The following CTNNA2 variants were observed in gnomAD, a reference collection of about 807,000 sequenced individuals.
CTNNA2 encodes the protein catenin alpha-2.
In CTNNA2, 42 loss-of-function variants were observed where a neutral mutation model predicts 101.0. The ratio of observed to expected loss-of-function variants is 0.42; its 90% CI spans 0.32 to 0.54. The LOEUF is 0.54. Among genes scored for constraint, CTNNA2 ranks in the 20% least tolerant of loss-of-function variants. The pLI, the probability that CTNNA2 is intolerant of heterozygous loss-of-function variation, is 0.14. For missense variants in CTNNA2, 871 were observed against 1,223.1 expected, an observed-to-expected ratio of 0.71 and a Z score of 4.29; for synonymous variants, 450 against 456.4, an observed-to-expected ratio of 0.99 and a Z score of 0.18.
intron 7 of CTNNA2, among the ~76,000 whole-genome samples, chr2:79,931,019 T>C (rs1687403716): frequency 6.8e-6 from 1 of 146,694 alleles, no homozygotes; most frequent in South Asian, 2.1e-4. Context: ...TAATATATGA[T>C]TTTTTTTATA....
chr2:80,168,419 G>A (rs1900259), intron 7 of CTNNA2, among the ~76,000 whole-genome samples: 39,010 of 152,000 alleles, frequency 0.26, 7,718 homozygotes, highest in African/African-American at 0.55. Flanking sequence ...TAGAAATCAC[G>A]TATCATTACT....
chr2:79,933,629 A>T (rs1687597346), intron 7 of CTNNA2, among the ~76,000 whole-genome samples: 1 of 151,808 alleles, frequency 6.6e-6, no homozygotes, highest in African/African-American at 2.4e-5. Flanking sequence ...TAATTTTTGT[A>T]TTTTTAGTAG....
At chr2:80,031,829 A>G (rs1450058816) in intron 7 of CTNNA2, among the ~76,000 whole-genome samples, 1 of 152,256 alleles carries the variant, frequency 6.6e-6, no homozygotes, top group Non-Finnish European at 1.5e-5. Context: ...TTTTGGTTAC[A>G]TCTGTCTACA....
At chr2:80,594,610 TTTC>T (rs1260732970) in intron 15 of CTNNA2, among the ~76,000 whole-genome samples, 4 of 152,040 alleles carry the variant, frequency 2.6e-5, no homozygotes, top group Non-Finnish European at 4.4e-5. Context: ...TCTCCTGTGT[TTTC>T]TTCTTTGAGT....
Position 79,635,175 on chromosome 2 carries a change from T to C in CTNNA2, c.-5-16377T>C, listed in dbSNP as rs377402185. 2.2e-4 allele frequency among the ~76,000 whole-genome samples: 34 copies of C among 152,154 alleles called. 1 individual carries two copies. In the East Asian group the frequency reaches 6.6e-3, roughly 30 times the overall value. On this transcript the variant is annotated intron_variant, in intron 1 of 18. Transcript: ENST00000402739. ...GGTTGTCAATCAGGTGCTGATAGAA[T>C]TTATTAGACTTGAACTTTTTATTGT... is the stretch of plus-strand genomic sequence containing the variant.
At chr2:80,506,238 G>C (rs141912348) in intron 9 of CTNNA2, among the ~76,000 whole-genome samples, 26 of 152,280 alleles carry the variant, frequency 1.7e-4, no homozygotes, top group African/African-American at 6.0e-4. Context: ...TAGAGGAGTC[G>C]AGGAGGCTTC....
At chr2:80,286,199 C>G (rs568724520) in intron 7 of CTNNA2, among the ~76,000 whole-genome samples, 1 of 152,182 alleles carries the variant, frequency 6.6e-6, no homozygotes, top group East Asian at 1.9e-4. Flanking sequence ...GTGGATAGAC[C>G]CACTGGTGGC....
intron 10 of CTNNA2, among the ~76,000 whole-genome samples, chr2:80,545,302 TCTGGGAGGCTGAA>T (rs1238786368): frequency 6.6e-6 from 1 of 152,126 alleles, no homozygotes; most frequent in African/African-American, 2.4e-5. Context: ...ATCCCAGTGC[TCTGGGAGGCTGAA>T]GTGGGAGGAT....
At chr2:79,952,750 A>G (rs991201532) in intron 7 of CTNNA2, among the ~76,000 whole-genome samples, 3 of 152,178 alleles carry the variant, frequency 2.0e-5, no homozygotes, top group Non-Finnish European at 4.4e-5. Context: ...GTTTTTGTAA[A>G]TAAAGTTTCA....
At chr2:79,262,531 A>G (rs780259622) in intron 2 of CTNNA2, among the ~76,000 whole-genome samples, 35 of 152,164 alleles carry the variant, frequency 2.3e-4, no homozygotes, top group Non-Finnish European at 4.4e-4. Flanking sequence ...AGAAAAAAAA[A>G]ACTAGGCTTG....
rs1280430165 is a variant in CTNNA2 at position 80,313,728 on chromosome 2, G to T, written c.1057-79483G>T. On this transcript the variant is annotated intron_variant, in intron 7 of 18. Transcript: ENST00000402739. ...TGGAAAGACTTTCAACTAGAAATAT[G>T]ATTTCCAAAATGTGAGTACAAGGAA... 3 of 1,128,538 alleles carry T rather than the reference G, an allele frequency of 2.7e-6. No individual in the cohort carries two copies. In the Admixed American group the frequency reaches 6.3e-5, roughly 24 times the overall value. 69.9% of individuals were successfully genotyped at this position (1,128,538 alleles called of 1,614,324 possible).
rs1448047243 is a variant in CTNNA2, at chr2:80,233,221, T to C, written c.1057-159990T>C. On this transcript the variant is annotated intron_variant, in intron 7 of 18. Transcript: ENST00000402739. ...ATTGAGGACTCTGGCCTTGGTAGTG[T>C]TGCAAAAATTGTGAATTATTGTGAA... 3.9e-5 allele frequency among the ~76,000 whole-genome samples: 6 copies of C among 152,254 alleles called. 1 individual carries two copies. In the East Asian group the frequency reaches 9.7e-4, roughly 25 times the overall value.
At chr2:80,547,540 C>T (rs1487108280) in intron 11 of CTNNA2, among the ~76,000 whole-genome samples, 1 of 152,140 alleles carries the variant, frequency 6.6e-6, no homozygotes, top group Non-Finnish European at 1.5e-5. Context: ...CTGGCATTCT[C>T]ATTCCAATCT....
intron 1 of CTNNA2, among the ~76,000 whole-genome samples, chr2:79,558,671 A>G (rs2104110772): frequency 6.6e-6 from 1 of 152,030 alleles, no homozygotes; most frequent in Non-Finnish European, 1.5e-5. Flanking sequence ...ATTTGGACAC[A>G]GTGAAATGAG....
intron 9 of CTNNA2, among the ~76,000 whole-genome samples, chr2:80,509,222 A>G (rs1282089159): frequency 1.3e-5 from 2 of 152,156 alleles, no homozygotes; most frequent in Non-Finnish European, 2.9e-5. Context: ...TCTTCATTCT[A>G]CAGATGCAGA....
intron 2 of CTNNA2, among the ~76,000 whole-genome samples, chr2:79,288,102 C>A (rs1035283635): frequency 3.3e-5 from 5 of 152,190 alleles, no homozygotes; most frequent in African/African-American, 1.2e-4. Context: ...CGCCCTGCTT[C>A]ACCTCGCGCA....
At chr2:79,436,185 C>T (rs188523327) in intron 4 of CTNNA2, among the ~76,000 whole-genome samples, 9 of 152,112 alleles carry the variant, frequency 5.9e-5, no homozygotes, top group African/African-American at 1.9e-4. Flanking sequence ...TTTCTACCTG[C>T]GATGAACTGA....
rs72918655 is a variant in CTNNA2, at chr2:79,909,530, C to G, written c.853-64C>G. 4.1e-3 allele frequency: 5,666 copies of G among 1,365,962 alleles called. 208 individuals carry two copies. In the African/African-American group the frequency reaches 0.072, roughly 17 times the overall value. The allele number at this position is 1,365,962 out of a possible 1,614,324, so 84.6% of individuals were successfully genotyped here. A position where few individuals can be genotyped will look rare whatever the true frequency, so the allele number is the denominator to read the frequency against. ...GCCTCAGATATTTCTGGTTTCAAAA[C>G]AGGGTGCCAAGGCAGACCTCTCTTC... On this transcript the variant is annotated intron_variant, in intron 6 of 18. Transcript: ENST00000402739.
intron 4 of CTNNA2, among the ~76,000 whole-genome samples, chr2:79,404,714 T>A (rs1477975537): frequency 6.6e-6 from 1 of 152,016 alleles, no homozygotes; most frequent in Non-Finnish European, 1.5e-5. Flanking sequence ...GAAGATTTAA[T>A]CTAGTGTTTG....
Sources: gnomAD v4.1 joint callset for allele counts (sites outside exome capture counted in the v4.1 genomes callset) on GRCh38, gnomAD v4.1.1 for gene constraint, MANE v1.5 for transcripts, NCBI Gene and HGNC (gene_info 2026-07-23, HGNC 2026-07-21) for gene names.